The following TBC1D32 variants were observed in gnomAD, a reference collection of about 807,000 sequenced individuals.
TBC1D32 encodes protein broad-minded.
Under a neutral mutation model 170.3 loss-of-function variants are expected in TBC1D32, and 151 were observed. That is an observed-to-expected ratio of 0.89 (90% CI 0.78 to 1.01). TBC1D32 has a LOEUF of 1.01. TBC1D32 is among the 50% of genes least tolerant of loss of function. TBC1D32 has a pLI of 0.00. For missense variants in TBC1D32, 1,464 were observed against 1,457.1 expected, an observed-to-expected ratio of 1.00 and a Z score of -0.08; for synonymous variants, 498 against 488.0, an observed-to-expected ratio of 1.02 and a Z score of -0.27.
intron 24 of TBC1D32, among the ~76,000 whole-genome samples, chr6:121,156,169 G>C (rs1256610619): frequency 6.7e-6 from 1 of 150,150 alleles, no homozygotes; most frequent in Non-Finnish European, 1.5e-5. Context: ...GTTAGGCTTT[G>C]TATTACTGAT....
At chr6:121,170,532 A>G in intron 22 of TBC1D32, 1 of 1,507,436 alleles carries the variant, frequency 6.6e-7, no homozygotes, top group Non-Finnish European at 8.8e-7. Context: ...AATAACCTAT[A>G]TAAAAAAGAA....
chr6:121,211,710 C>T (rs115036759), intron 21 of TBC1D32, among the ~76,000 whole-genome samples: 1,719 of 152,192 alleles, frequency 0.011, 41 homozygotes, highest in African/African-American at 0.04. Context: ...TTTATCCACT[C>T]GGTGATTACC....
At chr6:121,328,017 T>A (rs1274229133) in intron 1 of TBC1D32, among the ~76,000 whole-genome samples, 1 of 152,176 alleles carries the variant, frequency 6.6e-6, no homozygotes, top group African/African-American at 2.4e-5. Flanking sequence ...TTTTAGAATA[T>A]CCTTACAAGG....
intron 22 of TBC1D32, among the ~76,000 whole-genome samples, chr6:121,189,646 T>C (rs974963009): frequency 5.9e-5 from 9 of 152,066 alleles, no homozygotes; most frequent in African/African-American, 2.2e-4. Flanking sequence ...CATAACACTA[T>C]ACACAGCTGC....
At chr6:121,282,179 T>G (rs966368378) in intron 13 of TBC1D32, among the ~76,000 whole-genome samples, 2 of 151,626 alleles carry the variant, frequency 1.3e-5, no homozygotes, top group African/African-American at 2.4e-5. Context: ...TAGACACTAG[T>G]ATACTTCTTG....
At chr6:121,319,427 T>G (rs1399354440) in intron 2 of TBC1D32, among the ~76,000 whole-genome samples, 1 of 152,034 alleles carries the variant, frequency 6.6e-6, no homozygotes, top group Non-Finnish European at 1.5e-5. Context: ...CTGGCAGCAA[T>G]CAATACACAT....
At chr6:121,334,629 A>AG, upstream of TBC1D32, 1 of 632,606 alleles carries the variant, frequency 1.6e-6, no homozygotes, top group Non-Finnish European at 2.7e-6. Flanking sequence ...TTGGGGAAGC[A>AG]GGGGTCCGCG....
At chr6:121,208,416 C>T (rs1792578363) in intron 21 of TBC1D32, among the ~76,000 whole-genome samples, 1 of 151,916 alleles carries the variant, frequency 6.6e-6, no homozygotes, top group Admixed American at 6.6e-5. Context: ...GGAAAAGCTC[C>T]TTATAAAATC....
At chr6:121,268,673 T>C (rs150026961) in intron 15 of TBC1D32, among the ~76,000 whole-genome samples, 2,068 of 152,180 alleles carry the variant, frequency 0.014, 31 homozygotes, top group South Asian at 0.048. Flanking sequence ...TGAAACCAAG[T>C]TGGAAAACGT....
intron 15 of TBC1D32, 51 bp downstream of exon 15, chr6:121,279,070 G>A: frequency 6.4e-7 from 1 of 1,554,304 alleles, no homozygotes; most frequent in Non-Finnish European, 8.6e-7. Context: ...CAGCTTGTCA[G>A]AAAACCAAAC....
Position 121,161,110 on chromosome 6 carries a change from T to C in TBC1D32, c.2571-54A>G. 2.2e-6 allele frequency: 3 copies of C among 1,342,642 alleles called. 1 individual carries two copies. In the South Asian group the frequency reaches 3.9e-5, roughly 17 times the overall value. The allele number at this position is 1,342,642 out of a possible 1,614,324, so 83.2% of individuals were successfully genotyped here. On this transcript the variant is annotated intron_variant, in intron 22 of 31. Coordinates refer to ENST00000398212, the MANE Select transcript of TBC1D32 (RefSeq NM_152730.6). ...ATCCTTTTGATTGAATATGTGTTAA[T>C]TTTTAAATCAAGTCTCTGGATTGTA...
Position 121,303,664 on chromosome 6 carries a change from A to T in TBC1D32, c.1033T>A (p.Phe345Ile), listed in dbSNP as rs768402360. 2 of 1,598,414 alleles carry T rather than the reference A, an allele frequency of 1.3e-6. No individual in the cohort carries two copies. The highest frequency in any genetic ancestry group is 1.7e-5 in the Admixed American group (1 of 59,726). ...VSQKILDPIY[F>I]FALVDTKAVW... ...GCCTTGGTATCAACTAATGCAAAAA[A>T]GTAGATCGGATCCAAAATCTTTTGT... Residue 345 changes from phenylalanine (F) to isoleucine (I), a missense_variant, in exon 9 of 32, where the codon TTT (phenylalanine) becomes ATT (isoleucine). Phe to Ile is a conservative substitution (Grantham distance 21, BLOSUM62 0). Transcript: ENST00000398212.
intron 24 of TBC1D32, among the ~76,000 whole-genome samples, chr6:121,148,329 G>A (rs574847918): frequency 1.3e-4 from 20 of 152,032 alleles, no homozygotes; most frequent in African/African-American, 4.8e-4. Flanking sequence ...TTTTTTTTAT[G>A]GTTGCATAGT....
chr6:121,114,218 T>C (rs1198274759), intron 27 of TBC1D32, among the ~76,000 whole-genome samples: 2 of 152,154 alleles, frequency 1.3e-5, no homozygotes, highest in Non-Finnish European at 2.9e-5. Flanking sequence ...CACTGTAGTA[T>C]TTGAGGCATG....
chr6:121,216,824 A>G (rs1793887814), intron 21 of TBC1D32, among the ~76,000 whole-genome samples: 1 of 152,192 alleles, frequency 6.6e-6, no homozygotes, highest in South Asian at 2.1e-4. Flanking sequence ...GCCCTGATTG[A>G]GAGTTTTATC....
chr6:121,190,221 T>C (rs1423963142), intron 22 of TBC1D32, among the ~76,000 whole-genome samples: 1 of 146,812 alleles, frequency 6.8e-6, no homozygotes, highest in Non-Finnish European at 1.5e-5. Context: ...ACCTCCCTCC[T>C]TTCCTCCCCA....
At chr6:121,111,644 T>A (rs955443072) in intron 29 of TBC1D32, among the ~76,000 whole-genome samples, 4 of 152,188 alleles carry the variant, frequency 2.6e-5, no homozygotes, top group South Asian at 2.1e-4. Context: ...AATTGGATGA[T>A]CTTTTTAAGT....
intron 22 of TBC1D32, among the ~76,000 whole-genome samples, chr6:121,201,829 A>G (rs1791604947): frequency 6.6e-6 from 1 of 151,328 alleles, no homozygotes; most frequent in Admixed American, 6.6e-5. Flanking sequence ...AAGGAATTTC[A>G]TTATATTTAA....
intron 26 of TBC1D32, chr6:121,115,890 T>C (rs2128201553): frequency 6.6e-6 from 1 of 152,354 alleles, no homozygotes; most frequent in East Asian, 1.9e-4. Context: ...CATTTCAGAA[T>C]AGAAATAGCA....
Sources: gnomAD v4.1 joint callset for allele counts (sites outside exome capture counted in the v4.1 genomes callset) on GRCh38, gnomAD v4.1.1 for gene constraint, MANE v1.5 for transcripts, NCBI Gene and HGNC (gene_info 2026-07-23, HGNC 2026-07-21) for gene names.